The following BRD10 variants were observed in gnomAD, a reference collection of about 807,000 sequenced individuals.
The protein encoded by BRD10 is uncharacterized bromodomain-containing protein 10.
At chr9:5,929,241 A>G in the BRD10 span, 1 of 734,088 alleles carries the variant, frequency 1.4e-6, no homozygotes, top group South Asian at 1.7e-5. Context: ...AAAATACAAA[A>G]ACACCAATAC....
chr9:5,883,025 G>C, the BRD10 span, among the ~76,000 whole-genome samples: 8 of 152,244 alleles, frequency 5.3e-5, no homozygotes, highest in African/African-American at 1.7e-4. Context: ...GGGGGGCTGG[G>C]GGAGGGATAG....
the BRD10 span, among the ~76,000 whole-genome samples, chr9:6,005,493 A>G: frequency 6.6e-6 from 1 of 152,342 alleles, no homozygotes; most frequent in Admixed American, 6.5e-5. Flanking sequence ...CTACAGAGGG[A>G]GACTCAGAGA....
At chr9:5,962,181 C>A in the BRD10 span, among the ~76,000 whole-genome samples, 1,032 of 151,700 alleles carry the variant, frequency 6.8e-3, 14 homozygotes, top group African/African-American at 0.022. Flanking sequence ...AAAGAAAAAA[C>A]GAGAGAAGAA....
At chr9:5,906,430 C>G in the BRD10 span, among the ~76,000 whole-genome samples, 359 of 152,156 alleles carry the variant, frequency 2.4e-3, 1 homozygote, top group African/African-American at 8.1e-3. Flanking sequence ...GTACAAGGTT[C>G]TGACCTATGT....
the BRD10 span, among the ~76,000 whole-genome samples, chr9:5,930,821 T>G: frequency 6.6e-6 from 1 of 152,220 alleles, no homozygotes; most frequent in Non-Finnish European, 1.5e-5. Context: ...AGAAATGTTA[T>G]AAAAGTGCTT....
chr9:5,951,321 T>C, the BRD10 span, among the ~76,000 whole-genome samples: 52 of 52,776 alleles, frequency 9.9e-4, no homozygotes, highest in Non-Finnish European at 1.4e-3. Flanking sequence ...AAAAACTCAT[T>C]AGGACTTAAA....
At chr9:5,883,622 T>C in the BRD10 span, among the ~76,000 whole-genome samples, 2 of 151,918 alleles carry the variant, frequency 1.3e-5, no homozygotes, top group African/African-American at 4.8e-5. Flanking sequence ...CGCACCAACA[T>C]GCCTGGCTAA....
the BRD10 span, among the ~76,000 whole-genome samples, chr9:5,912,396 G>T: frequency 1.3e-5 from 2 of 151,632 alleles, no homozygotes; most frequent in African/African-American, 4.8e-5. Context: ...CTTCTACTAT[G>T]TCACCACTGA....
the BRD10 span, chr9:5,924,687 T>C: frequency 6.5e-7 from 1 of 1,533,068 alleles, no homozygotes; most frequent in African/African-American, 1.4e-5. Flanking sequence ...CTCCAGGATA[T>C]CCAGAGGTTC....
chr9:5,933,626 T>A, the BRD10 span: 2 of 365,648 alleles, frequency 5.5e-6, no homozygotes, highest in South Asian at 4.5e-5. Context: ...AGTCTTTGAA[T>A]GTAACAGATT....
chr9:5,911,087 A>ATC, the BRD10 span, among the ~76,000 whole-genome samples: 1 of 152,180 alleles, frequency 6.6e-6, no homozygotes, highest in Non-Finnish European at 1.5e-5. Flanking sequence ...TGCCTGTGCT[A>ATC]TGTAGGGTAT....
the BRD10 span, among the ~76,000 whole-genome samples, chr9:5,964,213 AAAAC>A: frequency 6.3e-4 from 92 of 145,862 alleles, no homozygotes; most frequent in African/African-American, 2.2e-3. Context: ...TTACAAGAAA[AAAAC>A]AAACAACCCC....
chr9:5,888,041 A>C, the BRD10 span, among the ~76,000 whole-genome samples: 3 of 152,238 alleles, frequency 2.0e-5, no homozygotes, highest in African/African-American at 7.2e-5. Flanking sequence ...TCACGATGGA[A>C]ACCAGAAAAA....
At chr9:5,988,482 C>T in the BRD10 span, 3 of 1,613,822 alleles carry the variant, frequency 1.9e-6, no homozygotes, top group African/African-American at 4.0e-5. Flanking sequence ...CAGTTCCCTT[C>T]TCATCCTCCA....
the BRD10 span, among the ~76,000 whole-genome samples, chr9:5,900,565 T>C: frequency 6.6e-6 from 1 of 152,198 alleles, no homozygotes; most frequent in African/African-American, 2.4e-5. Flanking sequence ...GGGATGTAAA[T>C]GACATTAAAT....
the BRD10 span, among the ~76,000 whole-genome samples, chr9:5,948,051 A>C: frequency 6.6e-6 from 1 of 152,150 alleles, no homozygotes; most frequent in Non-Finnish European, 1.5e-5. Context: ...TTTATCTCCC[A>C]GCAAGAACCT....
At chr9:5,996,860 A>G in the BRD10 span, among the ~76,000 whole-genome samples, 2 of 152,154 alleles carry the variant, frequency 1.3e-5, no homozygotes, top group Non-Finnish European at 2.9e-5. Context: ...GGAGTTCTCA[A>G]TGCAGGCAGA....
the BRD10 span, chr9:5,908,655 C>G: frequency 2.5e-6 from 4 of 1,614,046 alleles, no homozygotes; most frequent in Non-Finnish European, 3.4e-6. Context: ...CAATGCTCCA[C>G]CTGCTTATGA....
the BRD10 span, chr9:5,968,745 T>A: frequency 1.2e-5 from 19 of 1,613,892 alleles, no homozygotes; most frequent in Non-Finnish European, 1.6e-5. Flanking sequence ...ATGGGTGGAA[T>A]TGGAAATTCT....
Sources: allele counts gnomAD v4.1 joint callset (sites outside exome capture counted in the v4.1 genomes callset), GRCh38; gene constraint gnomAD v4.1.1; transcripts MANE v1.5; gene names NCBI Gene and HGNC (gene_info 2026-07-23, HGNC 2026-07-21).